AP1S2: variants seen among roughly 807,000 people sequenced by gnomAD.
AP1S2 encodes the protein adaptor related protein complex 1 subunit sigma 2.
AP1S2 carries 1 observed loss-of-function variant against 14.3 expected under a neutral mutation model. The observed-to-expected ratio is 0.07, with a 90% CI of 0.02 to 0.33. The LOEUF (loss-of-function observed/expected upper bound fraction) is 0.33, where lower values mean the gene tolerates loss of function less well. Among genes scored for constraint, AP1S2 ranks in the 10% least tolerant of loss-of-function variants. The pLI is 0.99. For missense variants in AP1S2, 30 were observed against 117.7 expected (o/e 0.25, Z 3.45); for synonymous variants, 30 against 40.5 (o/e 0.74, Z 0.99).
At chrX:15,854,268 TC>T (rs202012751) in intron 1 of AP1S2, among the ~76,000 whole-genome samples, 3 of 108,350 alleles carry the variant, frequency 2.8e-5, no homozygotes, top group Middle Eastern at 4.6e-3. Context: ...CGCCGGTGCC[TC>T]CCCCCCACTC....
At chrX:15,844,851 CA>C (rs1016104999) in intron 4 of AP1S2, 14 of 307,713 alleles carry the variant, frequency 4.5e-5, no homozygotes, top group Middle Eastern at 2.0e-3. Context: ...GTTTTGCTAA[CA>C]AAAAAAACCT....
intron 2 of AP1S2, among the ~76,000 whole-genome samples, chrX:15,848,792 A>G (rs781243066): frequency 8.9e-6 from 1 of 112,168 alleles, no homozygotes; most frequent in South Asian, 3.7e-4. Flanking sequence ...CTATTCTTAT[A>G]TTCAAAACAC....
intron 4 of AP1S2, among the ~76,000 whole-genome samples, chrX:15,843,011 C>T (rs754662452): frequency 2.7e-4 from 19 of 71,509 alleles, no homozygotes; most frequent in African/African-American, 1.0e-3. Flanking sequence ...GGGTGATAAG[C>T]GAAACTCCAT....
intron 2 of AP1S2, among the ~76,000 whole-genome samples, chrX:15,851,450 A>G (rs1208917578): frequency 8.9e-6 from 1 of 112,042 alleles, no homozygotes; most frequent in Non-Finnish European, 1.9e-5. Flanking sequence ...TTCCATGTAT[A>G]CTCCCCACAC....
intron 2 of AP1S2, among the ~76,000 whole-genome samples, chrX:15,850,003 A>AT (rs778789721): frequency 2.7e-5 from 3 of 112,139 alleles, no homozygotes; most frequent in African/African-American, 9.7e-5. Flanking sequence ...AGGGCATTAT[A>AT]TGAAATGCTC....
At chrX:15,854,061 C>T (rs1365413610) in intron 1 of AP1S2, among the ~76,000 whole-genome samples, 1 of 112,282 alleles carries the variant, frequency 8.9e-6, no homozygotes, top group African/African-American at 3.2e-5. Context: ...ACAATGTATT[C>T]TCCTTAAAAT....
intron 4 of AP1S2, among the ~76,000 whole-genome samples, chrX:15,837,962 T>G (rs1015672464): frequency 9.0e-6 from 1 of 111,674 alleles, no homozygotes; most frequent in African/African-American, 3.3e-5. Flanking sequence ...CTTTCTTGAT[T>G]TTTTGCATTT....
In AP1S2 at chrX:15,835,052, C is replaced by T. The variant is rs1569080686; in HGVS notation, c.427-6852G>A. Among the ~76,000 whole-genome samples, 3 of 111,381 alleles carry T rather than the reference C, an allele frequency of 2.7e-5. No individual in the cohort carries two copies. In the East Asian group the frequency reaches 8.5e-4, roughly 31 times the overall value. On this transcript the variant is annotated intron_variant, in intron 4 of 5. Coordinates refer to ENST00000672987, the MANE Select transcript of AP1S2 (RefSeq NM_001272071.2). ...AGTAAAACCAACAGGGAAGCTATAA[C>T]GAACACTGATAAAATAGGAATTATC...
At chrX:15,848,220 G>A (rs944999411) in intron 2 of AP1S2, among the ~76,000 whole-genome samples, 3 of 111,284 alleles carry the variant, frequency 2.7e-5, no homozygotes, top group Non-Finnish European at 5.7e-5. Flanking sequence ...CTTAGGGCAG[G>A]AAAAAAACAG....
At chrX:15,838,795 T>A (rs1933733053) in intron 4 of AP1S2, among the ~76,000 whole-genome samples, 1 of 111,423 alleles carries the variant, frequency 9.0e-6, no homozygotes, top group Admixed American at 9.5e-5. Context: ...TCGCCCAGGC[T>A]GGAGTGCAGT....
intron 4 of AP1S2, chrX:15,832,270 G>A: frequency 1.4e-6 from 1 of 724,678 alleles, no homozygotes; most frequent in South Asian, 7.0e-5. Context: ...CTCTCAAAGG[G>A]ATTATATCCC....
At chrX:15,854,223 C>T (rs1166969625) in intron 1 of AP1S2, among the ~76,000 whole-genome samples, 1 of 112,275 alleles carries the variant, frequency 8.9e-6, no homozygotes, top group East Asian at 2.8e-4. Flanking sequence ...AGCCGCGGCG[C>T]GGGCTCGGGG....
At chrX:15,834,439 AATATATATATATATAT>A (rs1161066866) in intron 4 of AP1S2, among the ~76,000 whole-genome samples, 645 of 25,124 alleles carry the variant, frequency 0.026, 34 homozygotes, top group Admixed American at 0.026. Flanking sequence ...TCCCTTCCAA[AATATATATATATATAT>A]ATATATATAT....
chrX:15,850,825 T>G (rs1934153874), intron 2 of AP1S2, among the ~76,000 whole-genome samples: 1 of 111,487 alleles, frequency 9.0e-6, no homozygotes, highest in South Asian at 3.7e-4. Flanking sequence ...ACCTGATCTT[T>G]TTCCAGCCCT....
intron 4 of AP1S2, 199 bp downstream of exon 4, chrX:15,845,180 T>C (rs1253693891): frequency 2.7e-6 from 2 of 752,259 alleles, no homozygotes; most frequent in African/African-American, 2.3e-5. Context: ...CGATAGACCA[T>C]CTCCAAACTG....
At chrX:15,833,148 T>C in intron 4 of AP1S2, 1 of 983,795 alleles carries the variant, frequency 1.0e-6, no homozygotes, top group Non-Finnish European at 1.3e-6. Context: ...TTCTTTTCTC[T>C]CTTAATTTTC....
chrX:15,832,997 GTC>G (rs2147300318), intron 4 of AP1S2: 1 of 1,121,368 alleles, frequency 8.9e-7, no homozygotes, highest in Admixed American at 3.3e-5. Flanking sequence ...GTGATACATA[GTC>G]TCTGTTTTCT....
intron 1 of AP1S2, chrX:15,852,770 G>C: frequency 1.6e-6 from 1 of 607,249 alleles, no homozygotes. Flanking sequence ...GGAGAAAAAA[G>C]AAAAATGGGT....
intron 4 of AP1S2, chrX:15,833,469 T>A: frequency 1.1e-6 from 1 of 891,761 alleles, no homozygotes; most frequent in Non-Finnish European, 1.4e-6. Flanking sequence ...AGAATACTCT[T>A]CATAGGGAGA....
Sources: gnomAD v4.1 joint callset for allele counts (sites outside exome capture counted in the v4.1 genomes callset) on GRCh38, gnomAD v4.1.1 for gene constraint, MANE v1.5 for transcripts, NCBI Gene and HGNC (gene_info 2026-07-23, HGNC 2026-07-21) for gene names.